ZNF729: variants seen among roughly 807,000 people sequenced by gnomAD.
ZNF729 encodes zinc finger protein 729.
Under a neutral mutation model 12.2 loss-of-function variants are expected in ZNF729, and 15 were observed. The ratio of observed to expected loss-of-function variants is 1.23; its 90% CI spans 0.82 to 1.89. The LOEUF (loss-of-function observed/expected upper bound fraction) is 1.89, where lower values mean the gene tolerates loss of function less well. Ranked by LOEUF, ZNF729 falls within the 40% of genes most tolerant of loss-of-function variation. ZNF729 has a pLI of 0.00. For synonymous variants in ZNF729, 492 were observed against 476.3 expected, an observed-to-expected ratio of 1.03 and a Z score of -0.43; for missense variants, 1,540 against 1,456.7, an observed-to-expected ratio of 1.06 and a Z score of -0.93.
rs747326824 is a variant in ZNF729 at position 22,314,494 on chromosome 19, G to C, written c.1077G>C (p.Gln359His). ...AAGAATGTGGCAAAGCTTTTAGCCA[G>C]TCCTCAACCCTTAGAAAACATGAGA... ...KREECGKAFS[Q>H]SSTLRKHEII... The change falls in exon 4 of 4, where the codon CAG becomes CAC. Residue 359 changes from glutamine (Q) to histidine (H), a missense_variant. By Grantham distance (24) the Gln-to-His change is conservative (BLOSUM62 0). Coordinates refer to ENST00000601693, the MANE Select transcript of ZNF729 (RefSeq NM_001242680.2). The C allele has an allele frequency of 2.5e-6, 4 of 1,607,272 alleles. No homozygotes were observed. In the African/African-American group the frequency reaches 4.0e-5, roughly 16 times the overall value.
intron 1 of ZNF729, among the ~76,000 whole-genome samples, chr19:22,289,429 G>A (rs1968124756): frequency 6.6e-6 from 1 of 151,862 alleles, no homozygotes; most frequent in African/African-American, 2.4e-5. Context: ...GTTTCACCGT[G>A]TTAGCCAGGA....
chr19:22,315,298 G>T lies in ZNF729; in HGVS notation c.1881G>T (p.Pro627=). ...AGATAATTCATACTGGGAAGAAACC[G>T]TACAAATGTGAAGAATGTGGCAAAG... is the stretch of plus-strand genomic sequence containing the variant. ...KHKIIHTGKK[P]YKCEECGKAF... is the part of the protein sequence containing the mutation. Residue 627 remains proline (P), a synonymous_variant, in exon 4 of 4, where the codon CCG becomes CCT. Coordinates refer to ENST00000601693, the MANE Select transcript of ZNF729 (RefSeq NM_001242680.2). 1.2e-6 allele frequency: 2 copies of T among 1,608,606 alleles called. No homozygotes were observed. The highest frequency in any genetic ancestry group is 1.7e-6 in the Non-Finnish European group (2 of 1,178,224).
chr19:22,314,541 C>G lies in ZNF729; in HGVS notation c.1124C>G (p.Pro375Arg), dbSNP rs144647796. 2.6e-4 allele frequency: 415 copies of G among 1,611,464 alleles called. 2 individuals are homozygous for G. In the East Asian group the frequency reaches 8.9e-3, roughly 35 times the overall value. The change falls in exon 4 of 4, where the codon CCC becomes CGC. Residue 375 changes from proline (P) to arginine (R), a missense_variant. Coordinates refer to ENST00000601693, the MANE Select transcript of ZNF729 (RefSeq NM_001242680.2). ...GAGATAATTCATACTGGAGAGAAACCCTACAAATGTGAAGAATGTGGTAAA... is the reference window on the plus strand; with the variant it reads ...GAGATAATTCATACTGGAGAGAAACGCTACAAATGTGAAGAATGTGGTAAA... ...KHEIIHTGEK[P>R]YKCEECGKAF...
chr19:22,314,903 G>A lies in ZNF729; in HGVS notation c.1486G>A (p.Ala496Thr), dbSNP rs891862927. Residue 496 changes from alanine to threonine, a missense_variant, in exon 4 of 4, where the codon GCT becomes ACT. By Grantham distance (58) the Ala-to-Thr change is moderately conservative (BLOSUM62 0). Coordinates refer to ENST00000601693, the MANE Select transcript of ZNF729 (RefSeq NM_001242680.2). Reference sequence around the variant, plus strand: ...CTACAAATGTGAAGAATGTGGCAAAGCTTTTAACCATTTCTCAGACCTTAG... The same window carrying A: ...CTACAAATGTGAAGAATGTGGCAAAACTTTTAACCATTTCTCAGACCTTAG... ...KPYKCEECGK[A>T]FNHFSDLRRH... 3 of 1,613,034 alleles carry A rather than the reference G, an allele frequency of 1.9e-6. No homozygotes were observed. The highest frequency in any genetic ancestry group is 2.7e-5 in the African/African-American group (2 of 74,838).
At chr19:22,303,670 A>T in intron 1 of ZNF729, 88 bp from the exon 2 acceptor site, 2 of 1,290,080 alleles carry the variant, frequency 1.6e-6, no homozygotes, top group East Asian at 3.1e-5. Context: ...TGTTCTCTTT[A>T]TTCTCTCATT....
chr19:22,303,901 T>C lies in ZNF729; in HGVS notation c.157+17T>C. On this transcript the variant is annotated intron_variant, in intron 2 of 3. Transcript: ENST00000601693. ...TCTTCCTGGGTGAGGATAATTTTAATTAAGCAATTCCTATTATATTCTATA... is the reference window on the plus strand; with the variant it reads ...TCTTCCTGGGTGAGGATAATTTTAACTAAGCAATTCCTATTATATTCTATA... The C allele has an allele frequency of 6.4e-7, 1 of 1,555,404 alleles. No individual in the cohort carries two copies. Among genetic ancestry groups the C allele is most frequent in the Non-Finnish European group, 8.7e-7 (1 of 1,144,928 alleles).
At chr19:22,308,500 G>C (rs1001903533) in intron 3 of ZNF729, among the ~76,000 whole-genome samples, 6 of 151,836 alleles carry the variant, frequency 4.0e-5, no homozygotes, top group African/African-American at 1.5e-4. Context: ...GTGTAGAAGT[G>C]TTCCCTGATC....
At chr19:22,296,886 G>T (rs1010432890) in intron 1 of ZNF729, among the ~76,000 whole-genome samples, 10 of 152,052 alleles carry the variant, frequency 6.6e-5, no homozygotes, top group African/African-American at 9.7e-5. Flanking sequence ...CCATGTGATT[G>T]TATGGTTTCA....
Position 22,304,344 on chromosome 19 carries a change from G to A in ZNF729, c.158-344G>A, listed in dbSNP as rs867969649. Among the ~76,000 whole-genome samples the A allele has an allele frequency of 1.2e-4, 19 of 152,166 alleles. No individual in the cohort carries two copies. The Middle Eastern group carries it at 0.01, about 82-fold the overall frequency. ...GTGAGCCACCGTGCCAGGCCAAAAG[G>A]AATTTTTTAAAGATGTTTCATTTTT... On this transcript the variant is annotated intron_variant, in intron 2 of 3. Transcript: ENST00000601693.
At chr19:22,297,612 T>G (rs886516298) in intron 1 of ZNF729, among the ~76,000 whole-genome samples, 3 of 149,586 alleles carry the variant, frequency 2.0e-5, no homozygotes, top group Admixed American at 6.7e-5. Context: ...TCTTTTTATT[T>G]AGATTCATTG....
chr19:22,291,159 C>T (rs942325344), intron 1 of ZNF729, among the ~76,000 whole-genome samples: 1 of 152,018 alleles, frequency 6.6e-6, no homozygotes, highest in African/African-American at 2.4e-5. Flanking sequence ...CCAAGCTCTA[C>T]AAATTTGGTT....
At chr19:22,311,525 T>G (rs1968449576) in intron 3 of ZNF729, among the ~76,000 whole-genome samples, 1 of 152,190 alleles carries the variant, frequency 6.6e-6, no homozygotes, top group Non-Finnish European at 1.5e-5. Flanking sequence ...GGAGTTGAAT[T>G]CCACTTTTAT....
rs1968482046 is a variant in ZNF729, at chr19:22,313,841, C to T, written c.424C>T (p.Leu142Phe). 1.3e-6 allele frequency: 2 copies of T among 1,579,160 alleles called. No individual in the cohort carries two copies. Among genetic ancestry groups the T allele is most frequent in the African/African-American group, 1.3e-5 (1 of 74,222 alleles). ...GKMHKEGYNK[L>F]NQCRTATQRK... is the part of the protein sequence containing the mutation. ...GATGCACAAAGAAGGTTATAATAAA[C>T]TTAACCAATGCAGGACAGCTACCCA... Residue 142 changes from leucine (L) to phenylalanine (F), a missense_variant, in exon 4 of 4, where the codon CTT becomes TTT. Transcript: ENST00000601693.
In ZNF729 at chr19:22,316,732, A is replaced by C. The variant is rs747763176; in HGVS notation, c.3315A>C (p.Gln1105His). 6 of 1,612,918 alleles carry C rather than the reference A, an allele frequency of 3.7e-6. No individual in the cohort carries two copies. ...KVIHTGKKPY[Q>H]CDECGKAFNN... ...TTCATACTGGAAAGAAACCCTACCA[A>C]TGTGACGAATGTGGCAAAGCTTTTA... Residue 1105 changes from glutamine to histidine, a missense_variant, in exon 4 of 4, where the codon CAA becomes CAC. Gln to His is a conservative substitution (Grantham distance 24). Coordinates refer to ENST00000601693, the MANE Select transcript of ZNF729 (RefSeq NM_001242680.2).
At chr19:22,298,702 CG>C (rs1246545458) in intron 1 of ZNF729, among the ~76,000 whole-genome samples, 2 of 151,996 alleles carry the variant, frequency 1.3e-5, no homozygotes, top group Non-Finnish European at 2.9e-5. Flanking sequence ...TTAGTAGAGA[CG>C]GGGTTTCACC....
At position 22,304,737 on chromosome 19, in the gene ZNF729, A is replaced by G. The variant is rs774569106; in HGVS notation, c.207A>G (p.Lys69=). The G allele has an allele frequency of 5.0e-6, 8 of 1,613,362 alleles. No individual in the cohort carries two copies. Among genetic ancestry groups the G allele is most frequent in the Non-Finnish European group, 5.9e-6 (7 of 1,179,736 alleles). The stretch of plus-strand genomic sequence containing the variant: ...TGATAACTTGTCTGAAGCAAGGGAA[A>G]GAGCCTTGGAATATGAAGAGACATG... ...PDLITCLKQG[K]EPWNMKRHEM... The change falls in exon 3 of 4, where the codon AAA becomes AAG. Residue 69 remains lysine (K), a synonymous_variant. Transcript: ENST00000601693.
At chr19:22,306,826 G>A (rs1023619063) in intron 3 of ZNF729, among the ~76,000 whole-genome samples, 4 of 151,172 alleles carry the variant, frequency 2.6e-5, no homozygotes, top group African/African-American at 9.7e-5. Context: ...AAGGGTTTCT[G>A]CACTATTATT....
intron 3 of ZNF729, among the ~76,000 whole-genome samples, chr19:22,310,667 A>G (rs972419646): frequency 6.6e-6 from 1 of 151,966 alleles, no homozygotes; most frequent in African/African-American, 2.4e-5. Context: ...TTTTTTGGTT[A>G]ATGCCCTTTT....
At chr19:22,306,156 T>C (rs1179592335) in intron 3 of ZNF729, among the ~76,000 whole-genome samples, 1 of 152,116 alleles carries the variant, frequency 6.6e-6, no homozygotes, top group Non-Finnish European at 1.5e-5. Flanking sequence ...AAATAAAGTT[T>C]TGCACTGGGC....
Sources: gnomAD v4.1 joint callset for allele counts (sites outside exome capture counted in the v4.1 genomes callset) on GRCh38, gnomAD v4.1.1 for gene constraint, MANE v1.5 for transcripts, NCBI Gene and HGNC (gene_info 2026-07-23, HGNC 2026-07-21) for gene names.